Variants in ZBTB20 observed in about 807,000 individuals in gnomAD.
ZBTB20 encodes zinc finger and BTB domain containing 20, also known as zinc finger and BTB domain-containing protein 20.
ZBTB20 carries 9 observed loss-of-function variants against 56.9 expected under a neutral mutation model. The observed-to-expected ratio is 0.16, with a 90% CI of 0.10 to 0.28. ZBTB20 has a LOEUF of 0.28. Among genes scored for constraint, ZBTB20 ranks in the 10% least tolerant of loss-of-function variants. The probability of loss-of-function intolerance (pLI) is 1.00; values close to 1 mark genes in which losing one functional copy is unlikely to be tolerated. For synonymous variants in ZBTB20, 417 were observed against 420.7 expected (o/e 0.99, Z 0.11); for missense variants, 655 against 1,003.0 (o/e 0.65, Z 4.69).
At chr3:114,999,800 A>G (rs1326808916) in intron 2 of ZBTB20, among the ~76,000 whole-genome samples, 1 of 151,720 alleles carries the variant, frequency 6.6e-6, no homozygotes, top group East Asian at 1.9e-4. Context: ...TCTATAATAT[A>G]CAATATGCAG....
chr3:114,493,293 T>C (rs972202715), intron 7 of ZBTB20, among the ~76,000 whole-genome samples: 3 of 152,190 alleles, frequency 2.0e-5, no homozygotes, highest in Non-Finnish European at 4.4e-5. Flanking sequence ...ATGTGGGTTG[T>C]TTCCAGTTTT....
intron 3 of ZBTB20, among the ~76,000 whole-genome samples, chr3:114,945,600 A>T (rs892471509): frequency 2.7e-5 from 4 of 145,538 alleles, no homozygotes; most frequent in Non-Finnish European, 5.9e-5. Context: ...AAGGTTGATT[A>T]ATAAAAAAAG....
intron 2 of ZBTB20, among the ~76,000 whole-genome samples, chr3:114,997,615 G>A (rs778303231): frequency 2.0e-5 from 3 of 151,352 alleles, no homozygotes; most frequent in Non-Finnish European, 4.4e-5. Flanking sequence ...TGATAACAAA[G>A]GAGTTTACAA....
intron 10 of ZBTB20, chr3:114,379,154 T>C (rs1190243856): frequency 3.9e-5 from 6 of 152,220 alleles, no homozygotes; most frequent in African/African-American, 1.4e-4. Context: ...GTCAGAAAAA[T>C]AACAATAAAA....
At chr3:114,705,010 TA>T (rs2063629426) in intron 5 of ZBTB20, among the ~76,000 whole-genome samples, 1 of 152,140 alleles carries the variant, frequency 6.6e-6, no homozygotes, top group Non-Finnish European at 1.5e-5. Context: ...ATTTAATCTG[TA>T]AAATATCTCT....
At chr3:114,388,806 T>A (rs1419338795) in intron 8 of ZBTB20, 199 bp downstream of exon 8, 3 of 152,246 alleles carry the variant, frequency 2.0e-5, no homozygotes, top group Non-Finnish European at 2.9e-5. Context: ...CAGGAGGGAA[T>A]GATAATGCAC....
At chr3:114,587,704 C>T (rs1453738851) in intron 6 of ZBTB20, among the ~76,000 whole-genome samples, 1 of 152,300 alleles carries the variant, frequency 6.6e-6, no homozygotes, top group East Asian at 1.9e-4. Flanking sequence ...TGTTCCAAAG[C>T]CCATGTACTC....
chr3:114,671,595 A>AT (rs570351481), intron 6 of ZBTB20, among the ~76,000 whole-genome samples: 7,670 of 145,712 alleles, frequency 0.053, 235 homozygotes, highest in Middle Eastern at 0.15. Context: ...AATAAATGCC[A>AT]TTTTTTTTTT....
chr3:114,795,953 T>G (rs2071315706), intron 5 of ZBTB20, among the ~76,000 whole-genome samples: 1 of 152,064 alleles, frequency 6.6e-6, no homozygotes, highest in African/African-American at 2.4e-5. Flanking sequence ...GGCATACACA[T>G]AAAGTGCTAT....
rs79774352 is a variant in ZBTB20 at position 115,115,454 on chromosome 3, C to A, written c.-703+31765G>T. Among the ~76,000 whole-genome samples, 884 of 152,098 alleles carry A rather than the reference C, an allele frequency of 5.8e-3. 16 individuals carry two copies. Among genetic ancestry groups the A allele is most frequent in the African/African-American group, 0.018 (767 of 41,532 alleles). The stretch of plus-strand genomic sequence containing the variant: ...AGTTCTTCGAATTATTTCAATTGAG[C>A]CTAGCAAATATCATTGGATGAAATG... On this transcript the variant is annotated intron_variant, in intron 1 of 11. Transcript: ENST00000675478.
At chr3:114,536,361 C>G (rs1178216680) in intron 6 of ZBTB20, among the ~76,000 whole-genome samples, 2 of 152,046 alleles carry the variant, frequency 1.3e-5, no homozygotes, top group Non-Finnish European at 2.9e-5. Context: ...AACAGAGAGC[C>G]AAATCATGAG....
intron 1 of ZBTB20, among the ~76,000 whole-genome samples, chr3:115,072,023 A>G (rs879751218): frequency 3.3e-5 from 5 of 152,170 alleles, no homozygotes; most frequent in Non-Finnish European, 5.9e-5. Flanking sequence ...TTAGAAAACT[A>G]TTCTTTTGAA....
intron 7 of ZBTB20, among the ~76,000 whole-genome samples, chr3:114,458,867 A>T (rs887458262): frequency 5.3e-5 from 8 of 152,256 alleles, no homozygotes; most frequent in African/African-American, 1.9e-4. Context: ...TTTTCCAAAG[A>T]ATTCTTGGCC....
chr3:114,324,450 C>G lies in ZBTB20; in HGVS notation c.*14555G>C, dbSNP rs936420538. 6.6e-6 allele frequency: 1 copy of G among 152,128 alleles called. No individual in the cohort carries two copies. 9.4% of individuals were successfully genotyped at this position (152,128 alleles called of 1,614,324 possible). On this transcript the variant is annotated 3_prime_UTR_variant, in exon 12 of 12. Transcript: ENST00000675478. Reference sequence around the variant, plus strand: ...TAAATAGGTACACTAGGAGCACTCACTTTTCTACATTGATCACTTTTTCCC... The same window carrying G: ...TAAATAGGTACACTAGGAGCACTCAGTTTTCTACATTGATCACTTTTTCCC...
At chr3:114,756,793 T>C (rs2068040219) in intron 5 of ZBTB20, among the ~76,000 whole-genome samples, 1 of 152,140 alleles carries the variant, frequency 6.6e-6, no homozygotes, top group South Asian at 2.1e-4. Context: ...AATTGAGTAT[T>C]AGACATTTTA....
Position 114,776,496 on chromosome 3 carries a change from G to A in ZBTB20, c.-343+24605C>T, listed in dbSNP as rs922199901. Reference sequence around the variant, plus strand: ...AGAAGCTGAGGAAGGCAAAGAAAAGGATTCTCCCCTAGAGCATCCAGAAGG... The same window carrying A: ...AGAAGCTGAGGAAGGCAAAGAAAAGAATTCTCCCCTAGAGCATCCAGAAGG... On this transcript the variant is annotated intron_variant, in intron 5 of 11. Transcript: ENST00000675478. Among the ~76,000 whole-genome samples, 35 of 152,262 alleles carry A rather than the reference G, an allele frequency of 2.3e-4. 1 individual carries two copies. The highest frequency in any genetic ancestry group is 2.0e-3 in the Admixed American group (30 of 15,292).
chr3:114,729,840 G>A (rs2065596361), intron 5 of ZBTB20, among the ~76,000 whole-genome samples: 1 of 151,594 alleles, frequency 6.6e-6, no homozygotes, highest in East Asian at 1.9e-4. Context: ...GTTTCACTCT[G>A]TCACCCAAGC....
intron 6 of ZBTB20, among the ~76,000 whole-genome samples, chr3:114,606,520 GC>G (rs1219495737): frequency 6.6e-6 from 1 of 152,112 alleles, no homozygotes; most frequent in African/African-American, 2.4e-5. Flanking sequence ...GTTGCAGGCT[GC>G]CCACTGCTAA....
intron 5 of ZBTB20, among the ~76,000 whole-genome samples, chr3:114,716,121 C>A (rs148707404): frequency 6.6e-6 from 1 of 152,190 alleles, no homozygotes; most frequent in Non-Finnish European, 1.5e-5. Flanking sequence ...TCCATTCCCC[C>A]CTTTTTAAGG....
Sources: allele counts gnomAD v4.1 joint callset (sites outside exome capture counted in the v4.1 genomes callset), GRCh38; gene constraint gnomAD v4.1.1; transcripts MANE v1.5; gene names NCBI Gene and HGNC (gene_info 2026-07-23, HGNC 2026-07-21).